The following ERBB2 variants were observed in gnomAD, a reference collection of about 807,000 sequenced individuals.
The protein encoded by ERBB2 is receptor tyrosine-protein kinase erbB-2.
In ERBB2, 61 loss-of-function variants were observed where a neutral mutation model predicts 149.0. That is an observed-to-expected ratio of 0.41 (90% CI 0.33 to 0.51). The LOEUF is 0.51. Ranked by LOEUF, ERBB2 falls within the 20% of genes least tolerant of loss-of-function variation. The pLI, the probability that ERBB2 is intolerant of heterozygous loss-of-function variation, is 0.25. For synonymous variants in ERBB2, 633 were observed against 678.8 expected (o/e 0.93, Z 1.05); for missense variants, 1,205 against 1,655.1 (o/e 0.73, Z 4.72).
intron 19 of ERBB2, among the ~76,000 whole-genome samples, chr17:39,724,486 CT>C (rs1567912656): frequency 1.3e-5 from 2 of 151,904 alleles, no homozygotes; most frequent in Admixed American, 1.3e-4. Flanking sequence ...TGTCAAACTC[CT>C]GACCTCATGA....
In ERBB2 at chr17:39,724,849, C is replaced by T. The variant is rs748416534; in HGVS notation, c.2431C>T (p.Arg811Trp). The T allele has an allele frequency of 6.2e-6, 10 of 1,614,080 alleles. No homozygotes were observed. Among genetic ancestry groups the T allele is most frequent in the African/African-American group, 4.0e-5 (3 of 74,922 alleles). The change falls in exon 20 of 27, where the codon CGG becomes TGG. Residue 811 changes from arginine (R) to tryptophan (W), a missense_variant. Arg to Trp is a moderately radical substitution (Grantham distance 101, BLOSUM62 -3). Transcript: ENST00000269571. ...MPYGCLLDHVRENRGRLGSQD... is the reference protein window; with the variant it reads ...MPYGCLLDHVWENRGRLGSQD... Reference sequence around the variant, plus strand: ...CTATGGCTGCCTCTTAGACCATGTCCGGGAAAACCGCGGACGCCTGGGCTC... The same window carrying T: ...CTATGGCTGCCTCTTAGACCATGTCTGGGAAAACCGCGGACGCCTGGGCTC...
chr17:39,724,126 CTA>C, intron 19 of ERBB2, 116 bp downstream of exon 19: 1 of 707,002 alleles, frequency 1.4e-6, no homozygotes. Flanking sequence ...CAAACCTAGA[CTA>C]TTTTTTTGGA....
chr17:39,699,962 G>GGCGAGCTGGGAGCGC (rs1447220723), upstream of ERBB2: 11 of 1,232,766 alleles, frequency 8.9e-6, no homozygotes, highest in Admixed American at 1.6e-4. Context: ...AGTTGGAGGG[G>GGCGAGCTGGGAGCGC]GCGAGCTGGG....
Position 39,719,807 on chromosome 17 carries a change from A to C in ERBB2, c.1919A>C (p.Lys640Thr). 2 of 1,614,168 alleles carry C rather than the reference A, an allele frequency of 1.2e-6. No individual in the cohort carries two copies. Among genetic ancestry groups the C allele is most frequent in the Non-Finnish European group, 1.7e-6 (2 of 1,180,008 alleles). Residue 640 changes from lysine (K) to threonine (T), a missense_variant, in exon 16 of 27, where the codon AAG becomes ACG. Around this residue, in one of 6 missense-constraint regions of ERBB2, gnomAD observed 569 missense variants for 803.5 expected, o/e 0.71. Coordinates refer to ENST00000269571, the MANE Select transcript of ERBB2 (RefSeq NM_004448.4). ...TGCAGCTGTGTGGACCTGGATGACA[A>C]GGGCTGCCCCGCCGAGCAGAGAGCC... ...CTHSCVDLDD[K>T]GCPAEQRASP...
chr17:39,715,247 T>C (rs1312708004), intron 9 of ERBB2, 39 bp from the exon 10 acceptor site: 1 of 1,573,090 alleles, frequency 6.4e-7, no homozygotes, highest in Admixed American at 1.7e-5. Flanking sequence ...ATGTCCACCC[T>C]GTTCCTGGCC....
Position 39,724,738 on chromosome 17 carries a change from A to G in ERBB2, c.2320A>G (p.Met774Val), listed in dbSNP as rs2145847270. Residue 774 changes from methionine to valine, a missense_variant, in exon 20 of 27, where the codon ATG (methionine) becomes GTG (valine). This residue lies in a region of ERBB2 where 152 missense variants were observed against 318.1 expected (regional missense o/e 0.48). Transcript: ENST00000269571. The part of the protein sequence containing the change: ...NKEILDEAYV[M>V]AGVGSPYVSR... ...CCCTTGTCCCCAGGAAGCATACGTGATGGCTGGTGTGGGCTCCCCATATGT... is the reference window on the plus strand; with the variant it reads ...CCCTTGTCCCCAGGAAGCATACGTGGTGGCTGGTGTGGGCTCCCCATATGT... The G allele has an allele frequency of 6.2e-7, 1 of 1,614,010 alleles. No homozygotes were observed. Among genetic ancestry groups the G allele is most frequent in the East Asian group, 2.2e-5 (1 of 44,866 alleles).
intron 9 of ERBB2, 100 bp from the exon 10 acceptor site, chr17:39,715,186 A>G: frequency 1.0e-6 from 1 of 973,318 alleles, no homozygotes; most frequent in Non-Finnish European, 1.6e-6. Flanking sequence ...AAAGGGTTTG[A>G]GTGAAGGCAT....
chr17:39,721,508 A>G (rs1272277329), intron 16 of ERBB2, among the ~76,000 whole-genome samples: 6 of 152,062 alleles, frequency 3.9e-5, no homozygotes, highest in Non-Finnish European at 7.4e-5. Context: ...TGCTGACCTC[A>G]GGTGATCCAC....
At chr17:39,712,566 A>AAGAAAGC in intron 9 of ERBB2, 118 bp downstream of exon 9, 1 of 1,268,840 alleles carries the variant, frequency 7.9e-7, no homozygotes, top group Non-Finnish European at 1.1e-6. Flanking sequence ...CAAGAATGCA[A>AAGAAAGC]AGAAAGCAGA....
At chr17:39,689,478 T>G (rs935624587) in intron 2 of ERBB2, among the ~76,000 whole-genome samples, 4 of 152,234 alleles carry the variant, frequency 2.6e-5, no homozygotes, top group African/African-American at 9.6e-5. Flanking sequence ...CTGTTTTTTT[T>G]TCTTTTTTCA....
upstream of ERBB2, chr17:39,699,727 A>G: frequency 2.9e-6 from 2 of 687,990 alleles, no homozygotes; most frequent in Non-Finnish European, 5.0e-6. Flanking sequence ...ATAAAACCTG[A>G]GACTTAAAAG....
chr17:39,700,163 C>T lies in ERBB2; in HGVS notation c.-76C>T, dbSNP rs1567892136. On this transcript the variant is annotated 5_prime_UTR_variant, in exon 1 of 27. Coordinates refer to ENST00000269571, the MANE Select transcript of ERBB2 (RefSeq NM_004448.4). Reference sequence around the variant, plus strand: ...TGCGCCGCGCGCCCGGCCCCCACCCCTCGCAGCACCCCGCGCCCCGCGCCC... The same window carrying T: ...TGCGCCGCGCGCCCGGCCCCCACCCTTCGCAGCACCCCGCGCCCCGCGCCC... The T allele has an allele frequency of 5.2e-6, 7 of 1,335,050 alleles. No individual in the cohort carries two copies. The highest frequency in any genetic ancestry group is 2.0e-5 in the South Asian group (1 of 48,844). The allele number at this position is 1,335,050 out of a possible 1,614,324, so 82.7% of individuals were successfully genotyped here. A position where few individuals can be genotyped will look rare whatever the true frequency, so the allele number is the denominator to read the frequency against.
Position 39,726,322 on chromosome 17 carries a change from A to G in ERBB2, c.2873-240A>G. Reference sequence around the variant, plus strand: ...AAATCCAGCCTGGGTGACAGAGCGAAACCTCATCTCAAAAAAATAAAAAAG... The same window carrying G: ...AAATCCAGCCTGGGTGACAGAGCGAGACCTCATCTCAAAAAAATAAAAAAG... On this transcript the variant is annotated intron_variant, in intron 23 of 26. Transcript: ENST00000269571. This position sits in a 1 kb window ranked among gnomAD's most constrained non-coding sequence, Gnocchi z 5.1. The G allele has an allele frequency of 5.7e-6, 3 of 526,198 alleles. No individual in the cohort carries two copies. The highest frequency in any genetic ancestry group is 3.2e-5 in the East Asian group (1 of 31,220). The allele number at this position is 526,198 out of a possible 1,614,324, so 32.6% of individuals were successfully genotyped here.
At chr17:39,721,116 T>TA in intron 16 of ERBB2, among the ~76,000 whole-genome samples, 1 of 152,246 alleles carries the variant, frequency 6.6e-6, no homozygotes, top group East Asian at 1.9e-4. Context: ...CTGGGTAATT[T>TA]AAAAAATTTT....
intron 9 of ERBB2, among the ~76,000 whole-genome samples, chr17:39,714,691 A>T (rs934420796): frequency 6.6e-6 from 1 of 152,096 alleles, no homozygotes; most frequent in Non-Finnish European, 1.5e-5. Context: ...CACTCTTACA[A>T]ACAGTTCCAC....
chr17:39,710,235 AC>A, intron 6 of ERBB2, 34 bp downstream of exon 6: 2 of 1,607,892 alleles, frequency 1.2e-6, no homozygotes, highest in Non-Finnish European at 8.5e-7. Flanking sequence ...AATGTGCTCT[AC>A]CCCCCAGGAT....
chr17:39,699,588 G>T, upstream of ERBB2: 1 of 1,494,888 alleles, frequency 6.7e-7, no homozygotes, highest in Non-Finnish European at 9.0e-7. Flanking sequence ...AAGCCACAAG[G>T]TAAACACAAC....
chr17:39,709,539 G>A (rs1458298247), intron 4 of ERBB2, 87 bp downstream of exon 4: 18 of 1,512,768 alleles, frequency 1.2e-5, no homozygotes, highest in African/African-American at 4.1e-5. Context: ...GTGCCTGCCC[G>A]CCACTGCCCC....
At chr17:39,715,131 C>T (rs2059042991) in intron 9 of ERBB2, among the ~76,000 whole-genome samples, 155 bp from the exon 10 acceptor site, 1 of 152,164 alleles carries the variant, frequency 6.6e-6, no homozygotes, top group Admixed American at 6.5e-5. Flanking sequence ...CGAACTAAGG[C>T]CTGGGCTTTG....
Sources: gnomAD v4.1 joint callset for allele counts (sites outside exome capture counted in the v4.1 genomes callset) on GRCh38, gnomAD v4.1.1 for gene constraint, gnomAD v4.1.1 regional missense constraint, Gnocchi (gnomAD v3.1) non-coding constraint, MANE v1.5 for transcripts, NCBI Gene and HGNC (gene_info 2026-07-23, HGNC 2026-07-21) for gene names.